DYNC1H1: variants seen among roughly 807,000 people sequenced by gnomAD.
DYNC1H1 encodes the protein cytoplasmic dynein 1 heavy chain 1.
Under a neutral mutation model 527.1 loss-of-function variants are expected in DYNC1H1, and 51 were observed. The ratio of observed to expected loss-of-function variants is 0.10; its 90% CI spans 0.08 to 0.12. DYNC1H1 has a LOEUF of 0.12. DYNC1H1 is among the 10% of genes least tolerant of loss of function. DYNC1H1 has a pLI of 1.00. For missense variants in DYNC1H1, 2,771 were observed against 5,971.8 expected, an observed-to-expected ratio of 0.46 and a Z score of 17.66; for synonymous variants, 2,189 against 2,278.8, an observed-to-expected ratio of 0.96 and a Z score of 1.12.
At position 102,054,034 on chromosome 14, in the gene DYNC1H1, C is replaced by T. The variant is rs1433417806; in HGVS notation, c.*3471C>T. On this transcript the variant is annotated 3_prime_UTR_variant, in exon 78 of 78. Coordinates refer to ENST00000360184, the MANE Select transcript of DYNC1H1 (RefSeq NM_001376.5). ...GATTACAGGCATGAGCCATTGTGCC[C>T]AGCTGCAAATGAATTTTTAAAAATG... 6.6e-6 allele frequency: 1 copy of T among 152,186 alleles called. No homozygotes were observed. Among genetic ancestry groups the T allele is most frequent in the Non-Finnish European group, 1.5e-5 (1 of 68,064 alleles). The allele number at this position is 152,186 out of a possible 1,614,324, so 9.4% of individuals were successfully genotyped here.
At position 102,007,742 on chromosome 14, in the gene DYNC1H1, G is replaced by A. The variant is rs570095649; in HGVS notation, c.5818-436G>A. Among the ~76,000 whole-genome samples, 13 of 152,328 alleles carry A rather than the reference G, an allele frequency of 8.5e-5. No individual in the cohort carries two copies. The East Asian group carries it at 2.5e-3, about 29-fold the overall frequency. On this transcript the variant is annotated intron_variant, in intron 28 of 77. Coordinates refer to ENST00000360184, the MANE Select transcript of DYNC1H1 (RefSeq NM_001376.5). ...GCCCCGTGAAGCCAGCACTGAGGCA[G>A]GTGGTATGGTAGTCTGCTCAGGCCA... is the stretch of plus-strand genomic sequence containing the variant.
chr14:102,005,140 C>G lies in DYNC1H1; in HGVS notation c.5337C>G (p.His1779Gln). ...MGGGGDAAPL[H>Q]SVLSNVEVTL... ...GAGGTGGAGATGCCGCGCCCTTGCACTCTGTGCTGAGCAATGTGGAGGTCA... is the reference window on the plus strand; with the variant it reads ...GAGGTGGAGATGCCGCGCCCTTGCAGTCTGTGCTGAGCAATGTGGAGGTCA... The change falls in exon 26 of 78, where the codon CAC (histidine) becomes CAG (glutamine). Residue 1779 changes from histidine to glutamine, a missense_variant. His to Gln is a conservative substitution (Grantham distance 24). Coordinates refer to ENST00000360184, the MANE Select transcript of DYNC1H1 (RefSeq NM_001376.5). This position sits in a 1 kb window ranked among gnomAD's most constrained non-coding sequence, Gnocchi z 4.0. 1 of 1,614,198 alleles carries G rather than the reference C, an allele frequency of 6.2e-7. No individual in the cohort carries two copies.
intron 15 of DYNC1H1, among the ~76,000 whole-genome samples, chr14:101,995,934 T>C (rs1448329207): frequency 6.7e-6 from 1 of 150,076 alleles, no homozygotes; most frequent in Non-Finnish European, 1.5e-5. Context: ...TGTGGTGGCA[T>C]GTGCCTGTAG....
At chr14:101,990,063 T>C (rs1209897220) in intron 10 of DYNC1H1, among the ~76,000 whole-genome samples, 1 of 152,136 alleles carries the variant, frequency 6.6e-6, no homozygotes, top group African/African-American at 2.4e-5. Context: ...CGGGCTGTCA[T>C]CTAGACTTGT....
chr14:102,050,854 T>C lies in DYNC1H1; in HGVS notation c.*291T>C. On this transcript the variant is annotated 3_prime_UTR_variant, in exon 78 of 78. Coordinates refer to ENST00000360184, the MANE Select transcript of DYNC1H1 (RefSeq NM_001376.5). ...GGGCACAGAGCCTTGCCTTCCATGC[T>C]GCCCAGGGAGGGCAGCCCACGGCAG... 2.4e-6 allele frequency: 1 copy of C among 416,770 alleles called. No individual in the cohort carries two copies. The highest frequency in any genetic ancestry group is 5.4e-5 in the East Asian group (1 of 18,398). The allele number at this position is 416,770 out of a possible 1,614,324, so 25.8% of individuals were successfully genotyped here. A position where few individuals can be genotyped will look rare whatever the true frequency, so the allele number is the denominator to read the frequency against.
chr14:102,047,611 A>C, intron 72 of DYNC1H1: 1 of 386,772 alleles, frequency 2.6e-6, no homozygotes, highest in Non-Finnish European at 4.4e-6. Context: ...ACATATATGT[A>C]TATATACACG....
Position 101,991,433 on chromosome 14 carries a change from G to A in DYNC1H1, c.2869-94G>A, listed in dbSNP as rs902356682. The A allele has an allele frequency of 2.0e-6, 3 of 1,495,740 alleles. No individual in the cohort carries two copies. In the African/African-American group the frequency reaches 4.2e-5, roughly 21 times the overall value. The allele number at this position is 1,495,740 out of a possible 1,614,324, so 92.7% of individuals were successfully genotyped here. A position where few individuals can be genotyped will look rare whatever the true frequency, so the allele number is the denominator to read the frequency against. On this transcript the variant is annotated intron_variant, in intron 10 of 77. Transcript: ENST00000360184. ...TGAGCCAAGGTTGTGCCATTACACT[G>A]CAGCCTGGGCAGTAAGAGTGAAACT...
rs537413781 is a variant in DYNC1H1 at position 102,008,559 on chromosome 14, G to A, written c.5977+222G>A. Among the ~76,000 whole-genome samples, 18 of 152,182 alleles carry A rather than the reference G, an allele frequency of 1.2e-4. No individual in the cohort carries two copies. The South Asian group carries it at 2.9e-3, about 25-fold the overall frequency. Reference sequence around the variant, plus strand: ...TCCCAGCACTTTGGGAGGCTGAGGCGGACAGATCACTTGAGGTCAGGAGTT... The same window carrying A: ...TCCCAGCACTTTGGGAGGCTGAGGCAGACAGATCACTTGAGGTCAGGAGTT... On this transcript the variant is annotated intron_variant, in intron 29 of 77. Coordinates refer to ENST00000360184, the MANE Select transcript of DYNC1H1 (RefSeq NM_001376.5).
In DYNC1H1 at chr14:102,016,278, C is replaced by G; in HGVS notation, c.7474-71C>G. ...CTGGGAACCACTGTCTTTAGGTTAA[C>G]TTTGCTGTAAGTGTCTTTCTTTTGT... On this transcript the variant is annotated intron_variant, in intron 36 of 77. Coordinates refer to ENST00000360184, the MANE Select transcript of DYNC1H1 (RefSeq NM_001376.5). This position sits in a 1 kb window ranked among gnomAD's most constrained non-coding sequence, Gnocchi z 7.3. The G allele has an allele frequency of 6.3e-7, 1 of 1,592,342 alleles. No homozygotes were observed. Among genetic ancestry groups the G allele is most frequent in the Non-Finnish European group, 8.6e-7 (1 of 1,166,746 alleles).
intron 41 of DYNC1H1, among the ~76,000 whole-genome samples, chr14:102,019,095 T>G (rs1273089144): frequency 1.3e-5 from 2 of 152,248 alleles, no homozygotes; most frequent in African/African-American, 2.4e-5. Context: ...TTAATCATTA[T>G]CCTATGCATG....
chr14:102,049,770 C>T lies in DYNC1H1; in HGVS notation c.13572C>T (p.Thr4524=), dbSNP rs1473812082. 6.2e-7 allele frequency: 1 copy of T among 1,613,896 alleles called. No individual in the cohort carries two copies. The change falls in exon 76 of 78, where the codon ACC becomes ACT. Residue 4524 remains threonine (T), a synonymous_variant. Transcript: ENST00000360184. The surrounding 1 kb of genome is among the most constrained non-coding windows in gnomAD (Gnocchi z 5.5). ...LFVPEAYITA[T]RQYVAQANSW... ...TGCCTGAGGCGTACATCACTGCCAC[C>T]AGGCAGTATGTGGCCCAGGCCAACA... is the stretch of plus-strand genomic sequence containing the variant.
chr14:102,044,426 C>T lies in DYNC1H1; in HGVS notation c.12837C>T (p.Asp4279=). 1 of 1,614,214 alleles carries T rather than the reference C, an allele frequency of 6.2e-7. No homozygotes were observed. Among genetic ancestry groups the T allele is most frequent in the Non-Finnish European group, 8.5e-7 (1 of 1,180,048 alleles). ...GCCTGTTCACAACCAGGAGTTTCGA[C>T]AGTGAGTTTAAGCTGGCATGCAAGG... The part of the protein sequence containing the change: ...LERLFTTRSF[D]SEFKLACKVD... The change falls in exon 71 of 78, where the codon GAC becomes GAT. Residue 4279 remains aspartate, a synonymous_variant. Transcript: ENST00000360184. This position sits in a 1 kb window ranked among gnomAD's most constrained non-coding sequence, Gnocchi z 7.1.
chr14:102,023,264 A>C, intron 43 of DYNC1H1: 1 of 333,894 alleles, frequency 3.0e-6, no homozygotes, highest in Non-Finnish European at 5.8e-6. Flanking sequence ...AGAAAACAAA[A>C]TATCAGCCGG....
In DYNC1H1 at chr14:102,022,938, T is replaced by C. The variant is rs564101487; in HGVS notation, c.8637+58T>C. ...TTTTTCTGCCATCCCTTTCTAACAC[T>C]AACGAATTCTAACGAATTATCTTCT... On this transcript the variant is annotated intron_variant, in intron 43 of 77. Coordinates refer to ENST00000360184, the MANE Select transcript of DYNC1H1 (RefSeq NM_001376.5). 57 of 1,610,478 alleles carry C rather than the reference T, an allele frequency of 3.5e-5. No homozygotes were observed. The Admixed American group carries it at 9.2e-4, about 26-fold the overall frequency.
intron 1 of DYNC1H1, among the ~76,000 whole-genome samples, chr14:101,973,266 C>T (rs1325600408): frequency 3.4e-5 from 5 of 149,196 alleles, no homozygotes; most frequent in African/African-American, 1.2e-4. Context: ...TGAAGCAATT[C>T]TCTTACCCCA....
In DYNC1H1 at chr14:102,005,552, G is replaced by A. The variant is rs560351095; in HGVS notation, c.5433+316G>A. Among the ~76,000 whole-genome samples the A allele has an allele frequency of 9.2e-5, 14 of 152,364 alleles. No homozygotes were observed. The highest frequency in any genetic ancestry group is 3.4e-4 in the African/African-American group (14 of 41,592). The stretch of plus-strand genomic sequence containing the variant: ...AAGCTGCACGGCACGGGCAGTGCTT[G>A]CTGCGAGCCCCATGGCGGCACGTGG... On this transcript the variant is annotated intron_variant, in intron 26 of 77. Coordinates refer to ENST00000360184, the MANE Select transcript of DYNC1H1 (RefSeq NM_001376.5). The surrounding 1 kb of genome is among the most constrained non-coding windows in gnomAD (Gnocchi z 4.0).
At position 102,033,113 on chromosome 14, in the gene DYNC1H1, T is replaced by C. The variant is rs1230028056; in HGVS notation, c.10128T>C (p.Ser3376=). ...AGAAAAATTACATGTCCAATCCAAG[T>C]TACAATTATGAAATTGTGAATCGGG... is the stretch of plus-strand genomic sequence containing the variant. ...KMKKNYMSNP[S]YNYEIVNRAS... Residue 3376 remains serine (S), a synonymous_variant, in exon 53 of 78, where the codon AGT becomes AGC. Coordinates refer to ENST00000360184, the MANE Select transcript of DYNC1H1 (RefSeq NM_001376.5). The surrounding 1 kb of genome is among the most constrained non-coding windows in gnomAD (Gnocchi z 5.6). 1.9e-6 allele frequency: 3 copies of C among 1,614,106 alleles called. No individual in the cohort carries two copies. In the African/African-American group the frequency reaches 4.0e-5, roughly 22 times the overall value.
Position 102,029,268 on chromosome 14 carries a change from T to C in DYNC1H1, c.9469-271T>C. ...CTAACCTTTCTATAGTAACTGACAT[T>C]TGTGATGCCTTTTCACATAAGTACA... On this transcript the variant is annotated intron_variant, in intron 48 of 77. Coordinates refer to ENST00000360184, the MANE Select transcript of DYNC1H1 (RefSeq NM_001376.5). The surrounding 1 kb of genome is among the most constrained non-coding windows in gnomAD (Gnocchi z 5.3). The C allele has an allele frequency of 2.0e-6, 1 of 498,228 alleles. No homozygotes were observed. The highest frequency in any genetic ancestry group is 2.1e-5 in the South Asian group (1 of 46,934). 30.9% of individuals were successfully genotyped at this position (498,228 alleles called of 1,614,324 possible). A position where few individuals can be genotyped will look rare whatever the true frequency, so the allele number is the denominator to read the frequency against.
intron 16 of DYNC1H1, among the ~76,000 whole-genome samples, chr14:101,999,307 C>T (rs1390773119): frequency 6.6e-6 from 1 of 152,132 alleles, no homozygotes; most frequent in African/African-American, 2.4e-5. Flanking sequence ...AGGCGTGCCC[C>T]ACCATACCTA....
Sources: allele counts gnomAD v4.1 joint callset (sites outside exome capture counted in the v4.1 genomes callset), GRCh38; gene constraint gnomAD v4.1.1; non-coding constraint Gnocchi (gnomAD v3.1); transcripts MANE v1.5; gene names NCBI Gene and HGNC (gene_info 2026-07-23, HGNC 2026-07-21).